The following MID1 variants were observed in gnomAD, a reference collection of about 807,000 sequenced individuals.
MID1 encodes E3 ubiquitin-protein ligase Midline-1.
In MID1, 7 loss-of-function variants were observed where a neutral mutation model predicts 40.4. That is an observed-to-expected ratio of 0.17 (90% CI 0.10 to 0.33). MID1 has a LOEUF of 0.33. Among genes scored for constraint, MID1 ranks in the 10% least tolerant of loss-of-function variants. MID1 has a pLI of 1.00. For missense variants in MID1, 367 were observed against 558.5 expected, an observed-to-expected ratio of 0.66 and a Z score of 3.46; for synonymous variants, 229 against 221.2, an observed-to-expected ratio of 1.04 and a Z score of -0.31.
chrX:10,488,886 C>T (rs1400145281), intron 4 of MID1, among the ~76,000 whole-genome samples: 23 of 111,360 alleles, frequency 2.1e-4, no homozygotes, highest in Admixed American at 1.9e-4. Context: ...TTTTGAGAGT[C>T]GGACTGGCTC....
chrX:10,568,593 G>A (rs764072195), intron 1 of MID1, among the ~76,000 whole-genome samples: 1 of 111,094 alleles, frequency 9.0e-6, no homozygotes. Context: ...AACAGGCCAG[G>A]CTGGCAGGAG....
upstream of MID1, among the ~76,000 whole-genome samples, chrX:10,625,474 C>A (rs777905014): frequency 8.9e-6 from 1 of 112,413 alleles, no homozygotes; most frequent in Non-Finnish European, 1.9e-5. Context: ...ACAACAAGCA[C>A]AGAGTGTGTG....
chrX:10,455,143 T>C (rs1928581413), intron 8 of MID1, 66 bp from the exon 9 acceptor site: 3 of 981,332 alleles, frequency 3.1e-6, no homozygotes, highest in Non-Finnish European at 4.3e-6. Context: ...TCATAACCAA[T>C]AGCATATTTT....
intron 1 of MID1, among the ~76,000 whole-genome samples, chrX:10,721,228 G>T (rs1322381406): frequency 1.8e-5 from 2 of 111,171 alleles, no homozygotes; most frequent in African/African-American, 6.5e-5. Context: ...AAAGAAAAAT[G>T]AAGTTGGGTG....
intron 1 of MID1, among the ~76,000 whole-genome samples, chrX:10,767,564 C>A (rs1467130980): frequency 9.0e-6 from 1 of 111,677 alleles, no homozygotes; most frequent in Non-Finnish European, 1.9e-5. Context: ...CGTGATCCAC[C>A]CGCCTCGGCC....
chrX:10,558,321 T>A (rs1934204964), intron 2 of MID1, among the ~76,000 whole-genome samples: 1 of 106,466 alleles, frequency 9.4e-6, no homozygotes, highest in Non-Finnish European at 1.9e-5. Flanking sequence ...CTTTGATGCA[T>A]AATCCACAGA....
intron 2 of MID1, among the ~76,000 whole-genome samples, chrX:10,534,881 C>A (rs1249590703): frequency 1.8e-5 from 2 of 112,526 alleles, no homozygotes; most frequent in African/African-American, 6.4e-5. Context: ...TGAAAGCATG[C>A]CATTGTTTTT....
chrX:10,506,856 G>A (rs1235833672), intron 3 of MID1, among the ~76,000 whole-genome samples: 1 of 111,605 alleles, frequency 9.0e-6, no homozygotes, highest in African/African-American at 3.3e-5. Context: ...CTGACTTCAG[G>A]GTCACAATCT....
At chrX:10,660,949 C>T (rs2042907493) in intron 1 of MID1, among the ~76,000 whole-genome samples, 1 of 111,397 alleles carries the variant, frequency 9.0e-6, no homozygotes, top group South Asian at 3.8e-4. Flanking sequence ...TGAAGTGGAG[C>T]TTATTAGTAT....
At chrX:10,547,603 A>AAAAGG (rs1933739190) in intron 2 of MID1, among the ~76,000 whole-genome samples, 2 of 86,575 alleles carry the variant, frequency 2.3e-5, no homozygotes, top group African/African-American at 1.4e-4. Flanking sequence ...AAGGAAGGAA[A>AAAAGG]GAAGGGAGGG....
intron 2 of MID1, among the ~76,000 whole-genome samples, chrX:10,554,598 A>C (rs1057426369): frequency 8.9e-6 from 1 of 112,207 alleles, no homozygotes; most frequent in Non-Finnish European, 1.9e-5. Flanking sequence ...TTTAGAATGA[A>C]AGAGCTACTG....
At chrX:10,821,432 T>C (rs1474306706) in intron 1 of MID1, among the ~76,000 whole-genome samples, 1 of 112,061 alleles carries the variant, frequency 8.9e-6, no homozygotes, top group Non-Finnish European at 1.9e-5. Flanking sequence ...AACAGCCTTG[T>C]CATCTTCAGG....
chrX:10,729,807 G>A (rs915993323), intron 1 of MID1, among the ~76,000 whole-genome samples: 23 of 111,808 alleles, frequency 2.1e-4, no homozygotes, highest in African/African-American at 3.2e-4. Flanking sequence ...ATTCTTGGCC[G>A]GGGGCGGTGG....
intron 1 of MID1, among the ~76,000 whole-genome samples, chrX:10,727,669 A>G (rs1033474421): frequency 9.0e-6 from 1 of 111,551 alleles, no homozygotes; most frequent in Non-Finnish European, 1.9e-5. Flanking sequence ...ATAGAAATGC[A>G]GATTCCCAGA....
Position 10,657,696 on chromosome X carries a change from C to T in MID1, c.-186-37277G>A, listed in dbSNP as rs1281570671. 8.9e-5 allele frequency among the ~76,000 whole-genome samples: 10 copies of T among 112,245 alleles called. No individual in the cohort carries two copies. The Admixed American group carries it at 9.4e-4, about 11-fold the overall frequency. The stretch of plus-strand genomic sequence containing the variant: ...TTTTTGTAATGTGTGACTATTTAAA[C>T]ATTATTTTACAGATTTTTATGGGAG... On this transcript the variant is annotated intron_variant, in intron 1 of 10. Transcript: ENST00000380785.
At position 10,449,373 on chromosome X, in the gene MID1, G is replaced by A; in HGVS notation, c.1999C>T (p.Pro667Ser). The A allele has an allele frequency of 8.3e-7, 1 of 1,208,396 alleles. No individual in the cohort carries two copies. The change falls in exon 10 of 10, where the codon CCG (proline) becomes TCG (serine). Residue 667 changes from proline to serine, a missense_variant. By Grantham distance (74) the Pro-to-Ser change is moderately conservative. Around this residue, in one of 3 missense-constraint regions of MID1, gnomAD observed 275 missense variants for 383.1 expected, o/e 0.72. Coordinates refer to ENST00000317552, the MANE Select transcript of MID1 (RefSeq NM_000381.4). ...PDHLDCTEQL[P>S] ...AGCTCCATGTGGCCAGACGCTCACG[G>A]CAGCTGCTCTGTGCAGTCCAAATGG...
At chrX:10,633,195 C>T (rs953268948) in intron 1 of MID1, among the ~76,000 whole-genome samples, 1 of 111,877 alleles carries the variant, frequency 8.9e-6, no homozygotes, top group Non-Finnish European at 1.9e-5. Flanking sequence ...GAAGAAGGTG[C>T]CCCCTGTACC....
intron 1 of MID1, among the ~76,000 whole-genome samples, chrX:10,779,539 G>T (rs2147131770): frequency 8.9e-6 from 1 of 112,184 alleles, no homozygotes; most frequent in South Asian, 3.7e-4. Context: ...GGAATTGTCA[G>T]AAAAGTTAAG....
At chrX:10,666,108 G>A (rs1181294890) in intron 1 of MID1, among the ~76,000 whole-genome samples, 2 of 110,373 alleles carry the variant, frequency 1.8e-5, no homozygotes, top group Admixed American at 9.8e-5. Flanking sequence ...AATAAAAAAA[G>A]AGAGAGAAAA....
Sources: allele counts gnomAD v4.1 joint callset (sites outside exome capture counted in the v4.1 genomes callset), GRCh38; gene constraint gnomAD v4.1.1; regional missense constraint gnomAD v4.1.1; transcripts MANE v1.5; gene names NCBI Gene and HGNC (gene_info 2026-07-23, HGNC 2026-07-21).